Variants in ABCA9 observed in about 807,000 individuals in gnomAD.
The protein encoded by ABCA9 is ATP-binding cassette sub-family A member 9.
In ABCA9, 183 loss-of-function variants were observed where a neutral mutation model predicts 205.3. The ratio of observed to expected loss-of-function variants is 0.89; its 90% CI spans 0.79 to 1.01. ABCA9 has a LOEUF of 1.01. ABCA9 is among the 50% of genes least tolerant of loss of function. The pLI is 0.00. For missense variants in ABCA9, 1,805 were observed against 1,912.4 expected, an observed-to-expected ratio of 0.94 and a Z score of 1.05; for synonymous variants, 651 against 683.3, an observed-to-expected ratio of 0.95 and a Z score of 0.74.
Position 68,986,196 on chromosome 17 carries a change from G to A in ABCA9, c.4176C>T (p.Leu1392=), listed in dbSNP as rs2069233283. The A allele has an allele frequency of 6.2e-7, 1 of 1,612,832 alleles. No individual in the cohort carries two copies. Among genetic ancestry groups the A allele is most frequent in the Admixed American group, 1.7e-5 (1 of 59,870 alleles). Reference sequence around the variant, plus strand: ...TGGCGATCATTGCGTCCCCTTTCCTGAGACCTTTCACGGCAGCGTACACCT... The same window carrying A: ...TGGCGATCATTGCGTCCCCTTTCCTAAGACCTTTCACGGCAGCGTACACCT... ...HLEVYAAVKG[L]RKGDAMIAIT... The change falls in exon 32 of 39, where the codon CTC becomes CTT. Residue 1392 remains leucine, a synonymous_variant. Transcript: ENST00000340001.
chr17:69,043,364 C>CTA, intron 6 of ABCA9, 125 bp downstream of exon 6: 2 of 677,438 alleles, frequency 3.0e-6, no homozygotes, highest in South Asian at 4.1e-5. Flanking sequence ...GGCCTGGTAC[C>CTA]TAACTGGCCA....
In ABCA9 at chr17:68,989,036, AGTT is replaced by A. The variant is rs755035315; in HGVS notation, c.4035_4037del (p.Thr1346del). On this transcript the variant is annotated inframe_deletion, in exon 31 of 39. Transcript: ENST00000340001. The stretch of plus-strand genomic sequence containing the variant: ...TGTACGTTTTACTGACCTGTCCTGC[AGTT>A]GGTTTTGTGTCTCCAGTTATCATCT... 3.2e-4 allele frequency: 514 copies of A among 1,607,658 alleles called. No individual in the cohort carries two copies. The highest frequency in any genetic ancestry group is 1.0e-4 in the Non-Finnish European group (120 of 1,174,324).
At chr17:69,006,658 G>C (rs529814056) in intron 25 of ABCA9, among the ~76,000 whole-genome samples, 2 of 152,264 alleles carry the variant, frequency 1.3e-5, no homozygotes, top group Admixed American at 1.3e-4. Flanking sequence ...TGGGATGGAA[G>C]GGGGCTTCTA....
chr17:69,046,875 CTATATATATATA>C (rs71144650), intron 3 of ABCA9, among the ~76,000 whole-genome samples: 4,614 of 127,686 alleles, frequency 0.036, 122 homozygotes, highest in Admixed American at 0.061. Flanking sequence ...CGATTTTATA[CTATATATATATA>C]TATATATATA....
At chr17:68,998,748 A>T (rs937340347) in intron 25 of ABCA9, among the ~76,000 whole-genome samples, 2 of 151,832 alleles carry the variant, frequency 1.3e-5, no homozygotes, top group African/African-American at 4.8e-5. Flanking sequence ...TATATATGTA[A>T]TTAGATTTTC....
chr17:69,040,860 G>A (rs910346851), intron 6 of ABCA9, among the ~76,000 whole-genome samples: 14 of 152,146 alleles, frequency 9.2e-5, no homozygotes, highest in African/African-American at 3.1e-4. Flanking sequence ...ACATATAGAC[G>A]AATATGAAGA....
At chr17:69,014,986 T>C (rs762051583) in intron 22 of ABCA9, among the ~76,000 whole-genome samples, 1 of 152,092 alleles carries the variant, frequency 6.6e-6, no homozygotes, top group Admixed American at 6.5e-5. Flanking sequence ...GGTGACCACA[T>C]ACGTAGAAAC....
At chr17:69,077,517 G>A in the ABCA9 span, among the ~76,000 whole-genome samples, 1 of 152,126 alleles carries the variant, frequency 6.6e-6, no homozygotes, top group Non-Finnish European at 1.5e-5. Context: ...TGCCTGTTAG[G>A]TCCAATTGGT....
chr17:69,008,379 C>T, intron 23 of ABCA9, 144 bp from the exon 24 acceptor site: 1 of 713,704 alleles, frequency 1.4e-6, no homozygotes, highest in Non-Finnish European at 2.4e-6. Context: ...CACCACTCGC[C>T]ACACCCTTGT....
intron 25 of ABCA9, among the ~76,000 whole-genome samples, chr17:69,000,171 T>C (rs1168008842): frequency 6.6e-6 from 1 of 151,956 alleles, no homozygotes; most frequent in African/African-American, 2.4e-5. Context: ...TTGCCATTGC[T>C]TTTGGTGTTT....
At chr17:68,986,418 C>T in intron 31 of ABCA9, 94 bp from the exon 32 acceptor site, 1 of 1,256,086 alleles carries the variant, frequency 8.0e-7, no homozygotes. Flanking sequence ...CTTCTCTTCA[C>T]ACACACAGGT....
At chr17:69,013,253 A>G (rs2070450660) in intron 22 of ABCA9, among the ~76,000 whole-genome samples, 1 of 152,156 alleles carries the variant, frequency 6.6e-6, no homozygotes, top group Admixed American at 6.5e-5. Context: ...GATGGATTGT[A>G]TGGTAGTACA....
chr17:69,063,488 T>C (rs1215886697), upstream of ABCA9, among the ~76,000 whole-genome samples: 1 of 152,256 alleles, frequency 6.6e-6, no homozygotes. Flanking sequence ...CTGCTTGTTT[T>C]CCAGGGGCTT....
chr17:69,051,272 C>A, intron 1 of ABCA9, 133 bp from the exon 2 acceptor site: 8 of 699,364 alleles, frequency 1.1e-5, no homozygotes, highest in East Asian at 2.8e-5. Context: ...AGCCAAAAGG[C>A]TAAAATAAAA....
At chr17:69,029,305 A>T in intron 10 of ABCA9, 78 bp from the exon 11 acceptor site, 1 of 831,830 alleles carries the variant, frequency 1.2e-6, no homozygotes, top group Non-Finnish European at 1.8e-6. Context: ...TTGAGGCTTA[A>T]TCAAAGCCTC....
chr17:69,071,231 T>C, the ABCA9 span, among the ~76,000 whole-genome samples: 12 of 152,348 alleles, frequency 7.9e-5, no homozygotes, highest in East Asian at 1.5e-3. Flanking sequence ...AGTACAGTGC[T>C]TGAGCTCTGC....
intron 3 of ABCA9, among the ~76,000 whole-genome samples, chr17:69,047,859 C>G (rs1265345473): frequency 6.6e-6 from 1 of 152,128 alleles, no homozygotes; most frequent in East Asian, 1.9e-4. Context: ...AAAGTCAAGC[C>G]CTGTCTTTGT....
upstream of ABCA9, among the ~76,000 whole-genome samples, chr17:69,061,784 T>C (rs772988390): frequency 6.6e-6 from 1 of 152,234 alleles, no homozygotes; most frequent in Non-Finnish European, 1.5e-5. Context: ...AAGAAAAGAC[T>C]GTTCCAAAAT....
In ABCA9 at chr17:69,027,120, C is replaced by G. The variant is rs759173904; in HGVS notation, c.1912-6G>C. The G allele has an allele frequency of 1.2e-6, 2 of 1,613,584 alleles. No homozygotes were observed. The highest frequency in any genetic ancestry group is 2.2e-5 in the South Asian group (2 of 90,986). ...GGTTCATCCAATAGCAAAACCTGGA[C>G]AGGAGGAAAGTCCTAAAGTAATTCC... On this transcript the variant is annotated splice_polypyrimidine_tract_variant and splice_region_variant and intron_variant, in intron 14 of 38. Coordinates refer to ENST00000340001, the MANE Select transcript of ABCA9 (RefSeq NM_080283.4).
Sources: allele counts gnomAD v4.1 joint callset (sites outside exome capture counted in the v4.1 genomes callset), GRCh38; gene constraint gnomAD v4.1.1; transcripts MANE v1.5; gene names NCBI Gene and HGNC (gene_info 2026-07-23, HGNC 2026-07-21).